Variants in SNX18 observed in about 807,000 individuals in gnomAD.
The protein encoded by SNX18 is sorting nexin 18.
A neutral mutation model predicts 48.7 loss-of-function variants in SNX18; 35 were observed. The observed-to-expected ratio is 0.72, with a 90% confidence interval of 0.55 to 0.95. The LOEUF is 0.95. Ranked by LOEUF, SNX18 falls within the 40% of genes least tolerant of loss-of-function variation. The pLI, the probability that SNX18 is intolerant of heterozygous loss-of-function variation, is 0.00. For synonymous variants in SNX18, 492 were observed against 384.7 expected (o/e 1.28, Z -3.26); for missense variants, 824 against 871.0 (o/e 0.95, Z 0.68).
chr5:54,582,617 A>G, the SNX18 span, among the ~76,000 whole-genome samples: 1 of 151,826 alleles, frequency 6.6e-6, no homozygotes, highest in Non-Finnish European at 1.5e-5. Context: ...AAACCAAAAA[A>G]CAAAAAAACA....
At chr5:54,611,527 G>A in the SNX18 span, among the ~76,000 whole-genome samples, 368 of 152,234 alleles carry the variant, frequency 2.4e-3, 1 homozygote, top group African/African-American at 6.7e-3. Context: ...CTGGAATGAC[G>A]TTCTAGAAAT....
intron 1 of SNX18, 66 bp downstream of exon 1, chr5:54,519,639 ACAG>A (rs1461501462): frequency 6.2e-7 from 1 of 1,614,182 alleles, no homozygotes; most frequent in African/African-American, 1.3e-5. Flanking sequence ...GGCGACTTTG[ACAG>A]CAGTACCACT....
chr5:54,582,030 G>A, the SNX18 span, among the ~76,000 whole-genome samples: 3 of 152,172 alleles, frequency 2.0e-5, no homozygotes, highest in Non-Finnish European at 2.9e-5. Flanking sequence ...AAGCCACTGT[G>A]TTCAAGTTGT....
chr5:54,604,294 T>G, the SNX18 span, among the ~76,000 whole-genome samples: 1 of 152,188 alleles, frequency 6.6e-6, no homozygotes, highest in Non-Finnish European at 1.5e-5. Flanking sequence ...AAACAGGGAT[T>G]TAAACAGATA....
the SNX18 span, among the ~76,000 whole-genome samples, chr5:54,568,724 C>T: frequency 6.6e-6 from 1 of 151,874 alleles, no homozygotes; most frequent in African/African-American, 2.4e-5. Context: ...ATTGAAGAAT[C>T]ATTTGTGTGT....
chr5:54,647,631 C>G, the SNX18 span, among the ~76,000 whole-genome samples: 3 of 152,126 alleles, frequency 2.0e-5, no homozygotes, highest in Non-Finnish European at 4.4e-5. Context: ...ATCCAAGAAT[C>G]AAAGTCATCA....
the SNX18 span, among the ~76,000 whole-genome samples, chr5:54,618,543 C>G: frequency 6.6e-6 from 1 of 152,172 alleles, no homozygotes; most frequent in Non-Finnish European, 1.5e-5. Context: ...AAAATGGGAT[C>G]ATTAGATCTG....
the SNX18 span, among the ~76,000 whole-genome samples, chr5:54,601,638 G>A: frequency 6.6e-6 from 1 of 152,096 alleles, no homozygotes; most frequent in Non-Finnish European, 1.5e-5. Flanking sequence ...CAGCAGCACA[G>A]GAAAGTGGGG....
the SNX18 span, among the ~76,000 whole-genome samples, chr5:54,560,268 C>T: frequency 2.4e-4 from 36 of 152,322 alleles, no homozygotes; most frequent in Admixed American, 2.0e-3. Context: ...AAATGTTGTA[C>T]ATACACACCG....
At chr5:54,527,181 A>G (rs1345504563) in intron 1 of SNX18, among the ~76,000 whole-genome samples, 1 of 152,178 alleles carries the variant, frequency 6.6e-6, no homozygotes, top group East Asian at 1.9e-4. Context: ...GAGCCAAGGT[A>G]TGACATCCAA....
At chr5:54,600,275 G>A in the SNX18 span, among the ~76,000 whole-genome samples, 1 of 152,144 alleles carries the variant, frequency 6.6e-6, no homozygotes, top group Non-Finnish European at 1.5e-5. Context: ...AAACCACAAT[G>A]AGATACCGTC....
the SNX18 span, among the ~76,000 whole-genome samples, chr5:54,627,674 G>C: frequency 6.6e-6 from 1 of 152,070 alleles, no homozygotes; most frequent in Non-Finnish European, 1.5e-5. Flanking sequence ...GGAGCACGTG[G>C]GGGGACCAGT....
the SNX18 span, among the ~76,000 whole-genome samples, chr5:54,596,523 C>T: frequency 6.6e-6 from 1 of 152,172 alleles, no homozygotes; most frequent in African/African-American, 2.4e-5. Flanking sequence ...AATACATCAA[C>T]TAGATGATTA....
the SNX18 span, among the ~76,000 whole-genome samples, chr5:54,569,100 C>T: frequency 6.6e-6 from 1 of 152,044 alleles, no homozygotes; most frequent in African/African-American, 2.4e-5. Flanking sequence ...ACCTTAGCCT[C>T]CCAAAGTGCT....
At chr5:54,615,980 GC>G in the SNX18 span, among the ~76,000 whole-genome samples, 2 of 152,170 alleles carry the variant, frequency 1.3e-5, no homozygotes, top group African/African-American at 4.8e-5. Context: ...TTAGAATGAT[GC>G]CTTTACCTGG....
the SNX18 span, among the ~76,000 whole-genome samples, chr5:54,564,582 C>T: frequency 7.9e-5 from 12 of 152,128 alleles, no homozygotes; most frequent in South Asian, 2.1e-4. Context: ...TTAGGCTGGG[C>T]GCAGTGGCTC....
At chr5:54,552,655 G>A in the SNX18 span, among the ~76,000 whole-genome samples, 1 of 151,724 alleles carries the variant, frequency 6.6e-6, no homozygotes, top group East Asian at 2.0e-4. Context: ...CGCTGGGACC[G>A]ATAGAGTCCT....
the SNX18 span, among the ~76,000 whole-genome samples, chr5:54,613,338 G>A: frequency 6.6e-6 from 1 of 152,120 alleles, no homozygotes. Flanking sequence ...TCTGGCAAGG[G>A]CTTCTCGGTG....
intron 1 of SNX18, among the ~76,000 whole-genome samples, chr5:54,522,028 C>T (rs1262751629): frequency 6.6e-6 from 1 of 152,194 alleles, no homozygotes; most frequent in East Asian, 1.9e-4. Context: ...AGTTGATATT[C>T]AGTATAGTTT....
Sources: gnomAD v4.1 joint callset for allele counts (sites outside exome capture counted in the v4.1 genomes callset) on GRCh38, gnomAD v4.1.1 for gene constraint, MANE v1.5 for transcripts, NCBI Gene and HGNC (gene_info 2026-07-23, HGNC 2026-07-21) for gene names.